The following DLGAP2 variants were observed in gnomAD, a reference collection of about 807,000 sequenced individuals.
DLGAP2 encodes the protein disks large-associated protein 2.
A neutral mutation model predicts 100.3 loss-of-function variants in DLGAP2; 26 were observed. The ratio of observed to expected loss-of-function variants is 0.26; its 90% confidence interval spans 0.19 to 0.36. The LOEUF is 0.36. Among genes scored for constraint, DLGAP2 ranks in the 10% least tolerant of loss-of-function variants. The pLI, the probability that DLGAP2 is intolerant of heterozygous loss-of-function variation, is 1.00. For missense variants in DLGAP2, 1,858 were observed against 1,453.2 expected (o/e 1.28, Z -4.53); for synonymous variants, 886 against 630.1 (o/e 1.41, Z -6.08).
intron 2 of DLGAP2, among the ~76,000 whole-genome samples, chr8:1,123,691 A>G (rs1437464352): frequency 6.6e-6 from 1 of 152,034 alleles, no homozygotes; most frequent in Non-Finnish European, 1.5e-5. Flanking sequence ...TTTTTTCTCT[A>G]TGTACAACCT....
chr8:1,385,183 T>G (rs368544745), intron 3 of DLGAP2, among the ~76,000 whole-genome samples: 9 of 28,948 alleles, frequency 3.1e-4, no homozygotes, highest in East Asian at 4.9e-3. Context: ...CCTATGCCCG[T>G]CCCCTGAGAA....
intron 2 of DLGAP2, among the ~76,000 whole-genome samples, chr8:944,207 C>G (rs1461497316): frequency 6.6e-6 from 1 of 152,164 alleles, no homozygotes; most frequent in South Asian, 2.1e-4. Flanking sequence ...GTGAGTGATT[C>G]ACTGGGTGGT....
chr8:1,681,475 A>AT (rs1798943448), intron 12 of DLGAP2, among the ~76,000 whole-genome samples: 2 of 152,014 alleles, frequency 1.3e-5, no homozygotes, highest in African/African-American at 4.8e-5. Flanking sequence ...TCTACCAAAA[A>AT]AAATAATAAT....
chr8:1,118,532 C>G (rs1473198705), intron 2 of DLGAP2, among the ~76,000 whole-genome samples: 1 of 143,110 alleles, frequency 7.0e-6, no homozygotes, highest in African/African-American at 2.6e-5. Context: ...CTAAACTGTG[C>G]GAATAGAAAT....
intron 2 of DLGAP2, among the ~76,000 whole-genome samples, chr8:1,164,584 AG>A (rs1178155081): frequency 6.6e-6 from 1 of 151,896 alleles, no homozygotes; most frequent in Non-Finnish European, 1.5e-5. Flanking sequence ...TCATATTCTA[AG>A]CCCAGATGCC....
intron 2 of DLGAP2, among the ~76,000 whole-genome samples, chr8:1,062,280 G>T (rs1055567801): frequency 6.6e-6 from 1 of 152,158 alleles, no homozygotes; most frequent in Non-Finnish European, 1.5e-5. Flanking sequence ...TGCCTGCCAC[G>T]CTGCTGCAGT....
At chr8:907,702 A>G (rs1266893482) in intron 1 of DLGAP2, among the ~76,000 whole-genome samples, 1 of 152,220 alleles carries the variant, frequency 6.6e-6, no homozygotes, top group Non-Finnish European at 1.5e-5. Context: ...GGCATAGATG[A>G]TAATCACACT....
chr8:1,284,505 C>G (rs963313102), intron 3 of DLGAP2, among the ~76,000 whole-genome samples: 4 of 152,152 alleles, frequency 2.6e-5, no homozygotes, highest in Admixed American at 6.5e-5. Context: ...ACCACAGTCC[C>G]CACGCAAACC....
intron 1 of DLGAP2, among the ~76,000 whole-genome samples, chr8:877,335 T>G (rs1797704276): frequency 6.6e-6 from 1 of 152,156 alleles, no homozygotes; most frequent in Non-Finnish European, 1.5e-5. Flanking sequence ...TTGGCTGGGT[T>G]TGTTTAGAGG....
intron 1 of DLGAP2, among the ~76,000 whole-genome samples, chr8:846,824 G>A (rs1167960542): frequency 1.3e-5 from 2 of 152,156 alleles, no homozygotes; most frequent in Admixed American, 1.3e-4. Flanking sequence ...ATATCTCACT[G>A]TAGTTCTGGT....
At chr8:819,232 C>T (rs887568729) in intron 1 of DLGAP2, among the ~76,000 whole-genome samples, 1 of 152,152 alleles carries the variant, frequency 6.6e-6, no homozygotes, top group African/African-American at 2.4e-5. Flanking sequence ...AATAGTATCC[C>T]TATGTAGTAA....
chr8:1,317,787 T>G (rs1395702923), intron 3 of DLGAP2, among the ~76,000 whole-genome samples: 6 of 75,372 alleles, frequency 8.0e-5, no homozygotes, highest in Admixed American at 1.4e-4. Context: ...GAGACACTCG[T>G]CAGTGTTAAA....
At chr8:1,066,074 A>G (rs774695382) in intron 2 of DLGAP2, among the ~76,000 whole-genome samples, 5 of 152,192 alleles carry the variant, frequency 3.3e-5, no homozygotes, top group East Asian at 1.9e-4. Flanking sequence ...GAGCGAGGAC[A>G]GTTCCCCACA....
At chr8:1,580,536 G>C (rs1371996872) in intron 6 of DLGAP2, among the ~76,000 whole-genome samples, 1 of 152,180 alleles carries the variant, frequency 6.6e-6, no homozygotes, top group Non-Finnish European at 1.5e-5. Flanking sequence ...CCAGAAAGAC[G>C]AAAGCAGAGC....
Position 1,198,924 on chromosome 8 carries a change from G to A in DLGAP2, c.74-59927G>A, listed in dbSNP as rs141846684. ...AGGGTGGCAGCGGGCGTGTGTGCCC[G>A]GGACCTGGATACAGGCAGACTGTGC... On this transcript the variant is annotated intron_variant, in intron 2 of 14. Transcript: ENST00000637795. 6.6e-5 allele frequency among the ~76,000 whole-genome samples: 10 copies of A among 152,338 alleles called. No homozygotes were observed. In the East Asian group the frequency reaches 7.7e-4, roughly 12 times the overall value.
intron 2 of DLGAP2, among the ~76,000 whole-genome samples, chr8:983,070 A>T (rs994595817): frequency 6.6e-6 from 1 of 152,186 alleles, no homozygotes; most frequent in Non-Finnish European, 1.5e-5. Flanking sequence ...GCGGGATAGG[A>T]TCAGGGCAGG....
intron 4 of DLGAP2, among the ~76,000 whole-genome samples, chr8:1,532,341 T>C (rs1801013610): frequency 6.6e-6 from 1 of 152,218 alleles, no homozygotes. Context: ...GCTTTATAAA[T>C]TTACCTGACT....
chr8:1,131,597 G>C (rs1361727011), intron 2 of DLGAP2, among the ~76,000 whole-genome samples: 2 of 152,144 alleles, frequency 1.3e-5, no homozygotes, highest in Non-Finnish European at 1.5e-5. Context: ...GTGAATTTAG[G>C]GGGACACGAA....
chr8:1,106,749 A>G (rs889741658), intron 2 of DLGAP2, among the ~76,000 whole-genome samples: 4 of 151,316 alleles, frequency 2.6e-5, no homozygotes, highest in African/African-American at 7.3e-5. Context: ...AGGGTTTTCT[A>G]TTGAAGGGAG....
Sources: gnomAD v4.1 joint callset for allele counts (sites outside exome capture counted in the v4.1 genomes callset) on GRCh38, gnomAD v4.1.1 for gene constraint, MANE v1.5 for transcripts, NCBI Gene and HGNC (gene_info 2026-07-23, HGNC 2026-07-21) for gene names.